P3H2: variants seen among roughly 807,000 people sequenced by gnomAD.
P3H2 encodes prolyl 3-hydroxylase 2, also known as leprecan-like 1.
Under a neutral mutation model 87.0 loss-of-function variants are expected in P3H2, and 80 were observed. The ratio of observed to expected loss-of-function variants is 0.92; its 90% CI spans 0.77 to 1.11. The LOEUF (loss-of-function observed/expected upper bound fraction) is 1.11. P3H2 is among the 50% of genes least tolerant of loss of function. The probability of loss-of-function intolerance (pLI) is 0.00; values close to 1 mark genes in which losing one functional copy is unlikely to be tolerated. For missense variants in P3H2, 1,001 were observed against 923.9 expected (o/e 1.08, Z -1.08); for synonymous variants, 367 against 359.3 (o/e 1.02, Z -0.24).
rs758948390 is a variant in P3H2, at chr3:189,971,916, AG to A, written c.1790del (p.Pro597LeufsTer15). On this transcript the variant is annotated frameshift_variant, in exon 12 of 15. Transcript: ENST00000319332. LOFTEE classifies it high-confidence loss of function. ...TATAGTCTCGAAATGTGTAAGCAGG[AG>A]GCTCCTTCCAGCATTCGTTGGCCTC... ...DPEANECWKEPPAYTFRDYSA... is the reference protein window; with the variant it reads ...DPEANECWKEXPAYTFRDYSA... 1.2e-6 allele frequency: 2 copies of A among 1,610,208 alleles called. No homozygotes were observed. The highest frequency in any genetic ancestry group is 1.7e-6 in the Non-Finnish European group (2 of 1,176,408).
chr3:189,970,790 A>G, intron 13 of P3H2, 26 bp downstream of exon 13: 1 of 1,335,842 alleles, frequency 7.5e-7, no homozygotes, highest in South Asian at 1.2e-5. Flanking sequence ...CATACTAAAT[A>G]AGTATTCAAG....
chr3:190,004,444 G>A (rs1005800803), intron 1 of P3H2, among the ~76,000 whole-genome samples: 1 of 152,074 alleles, frequency 6.6e-6, no homozygotes, highest in Non-Finnish European at 1.5e-5. Flanking sequence ...GTGCAGTGGC[G>A]GGATCTCGGC....
Position 190,099,925 on chromosome 3 carries a change from C to G in P3H2, c.480+20327G>C, listed in dbSNP as rs1488031342. On this transcript the variant is annotated intron_variant, in intron 1 of 14. Transcript: ENST00000319332. ...AAAACTAAAATATTTCTTCAGAACC[C>G]TGACACTGCTATAAAATACCACTTC... 3.3e-5 allele frequency among the ~76,000 whole-genome samples: 5 copies of G among 152,230 alleles called. No homozygotes were observed. In the East Asian group the frequency reaches 5.8e-4, roughly 18 times the overall value.
At chr3:190,094,971 T>A (rs1457007966) in intron 1 of P3H2, among the ~76,000 whole-genome samples, 2 of 151,960 alleles carry the variant, frequency 1.3e-5, no homozygotes, top group African/African-American at 2.4e-5. Flanking sequence ...CCAAATATAA[T>A]CAATATCACA....
intron 1 of P3H2, among the ~76,000 whole-genome samples, chr3:190,034,548 G>T (rs2108949673): frequency 6.6e-6 from 1 of 152,194 alleles, no homozygotes; most frequent in Non-Finnish European, 1.5e-5. Flanking sequence ...CATATTGTTT[G>T]ATCCCATTAA....
At chr3:190,057,801 A>T (rs909522582) in intron 1 of P3H2, among the ~76,000 whole-genome samples, 10 of 152,172 alleles carry the variant, frequency 6.6e-5, no homozygotes, top group African/African-American at 2.4e-4. Context: ...GAAAGGAAAG[A>T]TGAAGGAATA....
At chr3:190,068,679 G>A (rs1726594733) in intron 1 of P3H2, among the ~76,000 whole-genome samples, 1 of 152,076 alleles carries the variant, frequency 6.6e-6, no homozygotes. Flanking sequence ...CGAGTAGACA[G>A]AGCTGTTTCC....
At chr3:190,118,108 C>T (rs1225370406) in intron 1 of P3H2, among the ~76,000 whole-genome samples, 1 of 152,136 alleles carries the variant, frequency 6.6e-6, no homozygotes, top group African/African-American at 2.4e-5. Flanking sequence ...CCTATGGCTT[C>T]ACCTTCTTTG....
At chr3:190,088,988 G>A (rs1727317941) in intron 1 of P3H2, among the ~76,000 whole-genome samples, 1 of 152,128 alleles carries the variant, frequency 6.6e-6, no homozygotes, top group South Asian at 2.1e-4. Context: ...ACAAGAAATA[G>A]ACCCAGTTTT....
intron 1 of P3H2, among the ~76,000 whole-genome samples, chr3:190,037,863 T>C: frequency 6.6e-6 from 1 of 151,954 alleles, no homozygotes; most frequent in East Asian, 1.9e-4. Flanking sequence ...AATGAAAGCA[T>C]CACACATGGG....
At chr3:190,031,636 C>T (rs1002403985) in intron 1 of P3H2, among the ~76,000 whole-genome samples, 1 of 51,204 alleles carries the variant, frequency 2.0e-5, no homozygotes, top group African/African-American at 7.1e-5. Flanking sequence ...GACTCCATGT[C>T]GAAAAAAAAA....
intron 1 of P3H2, among the ~76,000 whole-genome samples, chr3:190,008,961 T>A (rs978847225): frequency 6.6e-6 from 1 of 151,938 alleles, no homozygotes; most frequent in Non-Finnish European, 1.5e-5. Context: ...GTATTCAAAG[T>A]AGGAGAAAGA....
Position 189,972,612 on chromosome 3 carries a change from A to AT in P3H2, c.1699+261dup, listed in dbSNP as rs148423217. On this transcript the variant is annotated intron_variant, in intron 11 of 14. Coordinates refer to ENST00000319332, the MANE Select transcript of P3H2 (RefSeq NM_018192.4). ...AATGGGAAACCTACAGCAGAAAAGC[A>AT]TTTTTTTTTCCCAAGACTTCAGCAA... is the stretch of plus-strand genomic sequence containing the variant. Among the ~76,000 whole-genome samples the AT allele has an allele frequency of 0.023, 3,427 of 151,442 alleles. 121 individuals carry two copies. Among genetic ancestry groups the AT allele is most frequent in the African/African-American group, 0.078 (3,240 of 41,288 alleles).
chr3:190,121,525 T>TC (rs1450270379), upstream of P3H2: 2 of 152,154 alleles, frequency 1.3e-5, no homozygotes, highest in African/African-American at 4.8e-5. Context: ...TTGGGGAAGG[T>TC]TTCTCCCTTA....
At chr3:190,099,383 C>T (rs771875878) in intron 1 of P3H2, among the ~76,000 whole-genome samples, 21 of 152,112 alleles carry the variant, frequency 1.4e-4, no homozygotes, top group African/African-American at 3.9e-4. Flanking sequence ...GGACAAACCA[C>T]GAGAGAAGAA....
At position 190,041,037 on chromosome 3, in the gene P3H2, T is replaced by TAC. The variant is rs1202716732; in HGVS notation, c.481-45597_481-45596dup. Among the ~76,000 whole-genome samples the TAC allele has an allele frequency of 4.8e-3, 237 of 49,364 alleles. 22 individuals carry two copies. The highest frequency in any genetic ancestry group is 0.018 in the East Asian group (15 of 834). 32.4% of individuals were successfully genotyped at this position (49,364 alleles called of 152,430 possible). ...TGGCTCTACTATATATATATATATATACACACACACACACACACACACACA... is the reference window on the plus strand; with the variant it reads ...TGGCTCTACTATATATATATATATATACACACACACACACACACACACACACA... On this transcript the variant is annotated intron_variant, in intron 1 of 14. Transcript: ENST00000319332.
At chr3:190,040,917 T>G (rs905533489) in intron 1 of P3H2, among the ~76,000 whole-genome samples, 1 of 149,900 alleles carries the variant, frequency 6.7e-6, no homozygotes, top group Non-Finnish European at 1.5e-5. Flanking sequence ...GGTATGGTGG[T>G]GCACACCTGT....
At chr3:189,975,889 G>C (rs1376114184) in intron 8 of P3H2, among the ~76,000 whole-genome samples, 1 of 152,152 alleles carries the variant, frequency 6.6e-6, no homozygotes, top group Non-Finnish European at 1.5e-5. Context: ...GTTCCCTAAG[G>C]AGCTCCAGTG....
intron 13 of P3H2, among the ~76,000 whole-genome samples, 182 bp downstream of exon 13, chr3:189,970,634 C>T (rs530704057): frequency 6.1e-4 from 93 of 152,130 alleles, no homozygotes; most frequent in African/African-American, 2.2e-3. Flanking sequence ...ATCTTTACAA[C>T]GTACTAGATT....
Sources: allele counts gnomAD v4.1 joint callset (sites outside exome capture counted in the v4.1 genomes callset), GRCh38; gene constraint gnomAD v4.1.1; transcripts MANE v1.5; gene names NCBI Gene and HGNC (gene_info 2026-07-23, HGNC 2026-07-21).